DNAAF11: variants seen among roughly 807,000 people sequenced by gnomAD.
The protein encoded by DNAAF11 is leucine rich repeat containing 6.
DNAAF11 carries 45 observed loss-of-function variants against 60.8 expected under a neutral mutation model. The observed-to-expected ratio is 0.74, with a 90% CI of 0.58 to 0.95. The LOEUF is 0.95. DNAAF11 is among the 40% of genes least tolerant of loss of function. The pLI, the probability that DNAAF11 is intolerant of heterozygous loss-of-function variation, is 0.00. For missense variants in DNAAF11, 546 were observed against 546.2 expected, an observed-to-expected ratio of 1.00 and a Z score of 0.00; for synonymous variants, 191 against 183.5, an observed-to-expected ratio of 1.04 and a Z score of -0.33.
At chr8:132,622,758 G>A in intron 6 of DNAAF11, 70 bp from the exon 7 acceptor site, 1 of 1,044,022 alleles carries the variant, frequency 9.6e-7, no homozygotes, top group Middle Eastern at 2.1e-4. Flanking sequence ...GAATATAAAA[G>A]CAATTAATAC....
At chr8:132,701,715 C>T in the DNAAF11 span, among the ~76,000 whole-genome samples, 1 of 152,176 alleles carries the variant, frequency 6.6e-6, no homozygotes, top group South Asian at 2.1e-4. Context: ...CATCTTGCCC[C>T]CAGGTTGGGG....
chr8:132,616,394 G>A (rs375242302), intron 7 of DNAAF11, among the ~76,000 whole-genome samples: 17 of 152,120 alleles, frequency 1.1e-4, no homozygotes, highest in African/African-American at 3.4e-4. Context: ...TGCTTAATAA[G>A]CAATTGCAAC....
intron 10 of DNAAF11, among the ~76,000 whole-genome samples, chr8:132,591,691 T>G (rs1294304158): frequency 6.6e-6 from 1 of 152,088 alleles, no homozygotes; most frequent in African/African-American, 2.4e-5. Flanking sequence ...GTAAACTCCA[T>G]GAGGACAGGA....
chr8:132,683,269 G>C, the DNAAF11 span, among the ~76,000 whole-genome samples: 1 of 152,164 alleles, frequency 6.6e-6, no homozygotes, highest in African/African-American at 2.4e-5. Context: ...TGTAGACCTG[G>C]GAAAAGAGAA....
chr8:132,654,118 A>C (rs954300354), intron 3 of DNAAF11, among the ~76,000 whole-genome samples: 44 of 152,230 alleles, frequency 2.9e-4, no homozygotes, highest in African/African-American at 9.4e-4. Context: ...AGAGAGCTGG[A>C]GTGACTATAT....
chr8:132,667,880 C>T (rs1056345059), intron 1 of DNAAF11, among the ~76,000 whole-genome samples: 1 of 152,154 alleles, frequency 6.6e-6, no homozygotes, highest in Admixed American at 6.5e-5. Context: ...GGAGGCTGTC[C>T]TGCTGTGTTT....
At chr8:132,640,446 T>C (rs1231342045) in intron 3 of DNAAF11, among the ~76,000 whole-genome samples, 1 of 152,164 alleles carries the variant, frequency 6.6e-6, no homozygotes, top group Non-Finnish European at 1.5e-5. Flanking sequence ...GCAAGACATA[T>C]TACATTCAAC....
chr8:132,687,752 T>A, the DNAAF11 span: 1 of 451,252 alleles, frequency 2.2e-6, no homozygotes, highest in South Asian at 1.6e-5. Context: ...ACTCCAAAGC[T>A]CATGCTTTCA....
chr8:132,645,795 T>G (rs1010297083), intron 3 of DNAAF11, among the ~76,000 whole-genome samples: 2 of 149,908 alleles, frequency 1.3e-5, no homozygotes, highest in Admixed American at 6.6e-5. Flanking sequence ...AAAAAAAGAG[T>G]AAAAAGAAAT....
chr8:132,625,347 CAG>C lies in DNAAF11; in HGVS notation c.759_760del (p.Cys254PhefsTer5). ...CAATCTTGATTCAGGAGTAAACAAA[CAG>C]GGCTTATTCCAGAATTCCAAGTCAT... On this transcript the variant is annotated frameshift_variant, in exon 6 of 12. Coordinates refer to ENST00000620350, the MANE Select transcript of DNAAF11 (RefSeq NM_012472.6). LOFTEE classifies it high-confidence loss of function. 6.2e-7 allele frequency: 1 copy of C among 1,613,322 alleles called. No individual in the cohort carries two copies. Among genetic ancestry groups the C allele is most frequent in the Non-Finnish European group, 8.5e-7 (1 of 1,179,536 alleles).
intron 7 of DNAAF11, among the ~76,000 whole-genome samples, chr8:132,618,802 G>A (rs974090057): frequency 2.0e-5 from 3 of 152,124 alleles, no homozygotes; most frequent in South Asian, 4.1e-4. Context: ...GAAACAACAG[G>A]TGTTGGAGAG....
At chr8:132,642,025 G>A (rs1821905366) in intron 3 of DNAAF11, among the ~76,000 whole-genome samples, 1 of 152,250 alleles carries the variant, frequency 6.6e-6, no homozygotes, top group Non-Finnish European at 1.5e-5. Flanking sequence ...AGCAATGGTG[G>A]AATTAAGATT....
chr8:132,595,775 A>G (rs180866081), intron 10 of DNAAF11, among the ~76,000 whole-genome samples: 64 of 152,332 alleles, frequency 4.2e-4, no homozygotes, highest in African/African-American at 1.5e-3. Context: ...CTATAAACGA[A>G]AAAGTAAATA....
the DNAAF11 span, among the ~76,000 whole-genome samples, chr8:132,693,200 G>A: frequency 2.6e-5 from 4 of 152,204 alleles, no homozygotes; most frequent in Non-Finnish European, 5.9e-5. Flanking sequence ...GAGAAAGCAA[G>A]ACATGGGAGA....
intron 7 of DNAAF11, among the ~76,000 whole-genome samples, chr8:132,618,723 A>G (rs1375018218): frequency 4.0e-5 from 6 of 151,872 alleles, no homozygotes; most frequent in Non-Finnish European, 2.9e-5. Context: ...GCCATCAGAG[A>G]AATGCAAATC....
At chr8:132,688,399 C>T in the DNAAF11 span, among the ~76,000 whole-genome samples, 1,955 of 152,294 alleles carry the variant, frequency 0.013, 51 homozygotes, top group African/African-American at 0.045. Flanking sequence ...GGAGCTTTCC[C>T]TCTACTCTCC....
At chr8:132,631,324 C>A (rs983801546) in intron 5 of DNAAF11, among the ~76,000 whole-genome samples, 1 of 152,180 alleles carries the variant, frequency 6.6e-6, no homozygotes, top group Admixed American at 6.5e-5. Flanking sequence ...AGAGCCGCTG[C>A]ACATTCTGAT....
intron 2 of DNAAF11, among the ~76,000 whole-genome samples, chr8:132,658,575 C>T (rs982082254): frequency 6.6e-6 from 1 of 152,186 alleles, no homozygotes; most frequent in Non-Finnish European, 1.5e-5. Flanking sequence ...GCCGCCTTAG[C>T]CTCCCAAAGT....
intron 7 of DNAAF11, among the ~76,000 whole-genome samples, chr8:132,619,290 GA>G (rs536291010): frequency 0.025 from 3,775 of 148,816 alleles, 185 homozygotes; most frequent in African/African-American, 0.089. Flanking sequence ...ACACTCTGGG[GA>G]CTGTTGTGGG....
Sources: gnomAD v4.1 joint callset for allele counts (sites outside exome capture counted in the v4.1 genomes callset) on GRCh38, gnomAD v4.1.1 for gene constraint, MANE v1.5 for transcripts, NCBI Gene and HGNC (gene_info 2026-07-23, HGNC 2026-07-21) for gene names.